The following MTUS1 variants were observed in gnomAD, a reference collection of about 807,000 sequenced individuals.
MTUS1 encodes the protein microtubule-associated tumor suppressor 1.
A neutral mutation model predicts 120.8 loss-of-function variants in MTUS1; 109 were observed. The ratio of observed to expected loss-of-function variants is 0.90; its 90% CI spans 0.77 to 1.06. The LOEUF is 1.06. Among genes scored for constraint, MTUS1 ranks in the 50% least tolerant of loss-of-function variants. MTUS1 has a pLI of 0.00. For synonymous variants in MTUS1, 737 were observed against 550.5 expected (o/e 1.34, Z -4.74); for missense variants, 2,210 against 1,486.3 (o/e 1.49, Z -8.01).
At chr8:17,690,350 G>T (rs774875046) in intron 6 of MTUS1, among the ~76,000 whole-genome samples, 3 of 152,172 alleles carry the variant, frequency 2.0e-5, no homozygotes, top group Non-Finnish European at 2.9e-5. Flanking sequence ...TTTCCTATCA[G>T]CCAGAACGGC....
At position 17,713,259 on chromosome 8, in the gene MTUS1, T is replaced by C. The variant is rs1821687564; in HGVS notation, c.2585-7A>G. On this transcript the variant is annotated splice_region_variant and splice_polypyrimidine_tract_variant and intron_variant, in intron 5 of 14. Transcript: ENST00000693296. ...AAATTTTTTCTCGAAGGACCTAAGATATAAAAGAAACATGTAAAATACATA... is the reference window on the plus strand; with the variant it reads ...AAATTTTTTCTCGAAGGACCTAAGACATAAAAGAAACATGTAAAATACATA... The C allele has an allele frequency of 6.6e-7, 1 of 1,526,100 alleles. No individual in the cohort carries two copies. Among genetic ancestry groups the C allele is most frequent in the Non-Finnish European group, 9.1e-7 (1 of 1,103,064 alleles). 94.5% of individuals were successfully genotyped at this position (1,526,100 alleles called of 1,614,324 possible). A position where few individuals can be genotyped will look rare whatever the true frequency, so the allele number is the denominator to read the frequency against.
In MTUS1 at chr8:17,754,469, C is replaced by A. The variant is rs1456413158; in HGVS notation, c.1339G>T (p.Ala447Ser). 4.2e-5 allele frequency: 67 copies of A among 1,614,078 alleles called. No homozygotes were observed. The highest frequency in any genetic ancestry group is 5.4e-5 in the Non-Finnish European group (64 of 1,180,044). ...KVTFSVSPIEATEKCKKVEKG... is the reference protein window; with the variant it reads ...KVTFSVSPIESTEKCKKVEKG... ...TCCACTTTCTTACATTTCTCCGTCGCTTCAATCGGTGAAACAGAAAAGGTT... is the reference window on the plus strand; with the variant it reads ...TCCACTTTCTTACATTTCTCCGTCGATTCAATCGGTGAAACAGAAAAGGTT... Residue 447 changes from alanine to serine, a missense_variant, in exon 2 of 15, where the codon GCG becomes TCG. Ala to Ser is a moderately conservative substitution (Grantham distance 99). Coordinates refer to ENST00000693296, the MANE Select transcript of MTUS1 (RefSeq NM_001363059.2).
chr8:17,791,041 C>G (rs955139577), intron 1 of MTUS1, among the ~76,000 whole-genome samples: 1 of 152,160 alleles, frequency 6.6e-6, no homozygotes, highest in Non-Finnish European at 1.5e-5. Context: ...ATCCTGGCAA[C>G]AGAAACTTAT....
intron 4 of MTUS1, among the ~76,000 whole-genome samples, chr8:17,717,591 C>A (rs1822588626): frequency 6.6e-6 from 1 of 152,104 alleles, no homozygotes; most frequent in African/African-American, 2.4e-5. Flanking sequence ...AATTTACAGA[C>A]CTAATATGCA....
At chr8:17,777,935 A>G (rs2050583088) in intron 1 of MTUS1, among the ~76,000 whole-genome samples, 2 of 152,224 alleles carry the variant, frequency 1.3e-5, no homozygotes, top group Non-Finnish European at 1.5e-5. Flanking sequence ...GCAGTTTACA[A>G]AACTAGGAAA....
chr8:17,798,099 G>C (rs192418949), intron 1 of MTUS1, among the ~76,000 whole-genome samples: 1 of 152,244 alleles, frequency 6.6e-6, no homozygotes, highest in East Asian at 1.9e-4. Flanking sequence ...ATAGATTACT[G>C]ACAATAAATG....
intron 3 of MTUS1, among the ~76,000 whole-genome samples, chr8:17,735,428 C>A (rs2046859095): frequency 1.3e-5 from 2 of 152,184 alleles, no homozygotes; most frequent in South Asian, 4.1e-4. Flanking sequence ...AGCACTCGTG[C>A]AAGTTTGTGT....
At chr8:17,792,442 G>A (rs539405116) in intron 1 of MTUS1, among the ~76,000 whole-genome samples, 54 of 152,144 alleles carry the variant, frequency 3.5e-4, no homozygotes, top group Non-Finnish European at 7.3e-4. Context: ...AATGGTTTAG[G>A]TTTTCTCATA....
intron 1 of MTUS1, 89 bp from the exon 2 acceptor site, chr8:17,756,050 A>G (rs2048584125): frequency 1.0e-5 from 7 of 703,492 alleles, no homozygotes; most frequent in East Asian, 3.7e-5. Flanking sequence ...ATTAGTTTCA[A>G]TCACTTTATG....
chr8:17,785,577 A>G (rs2051236015), intron 1 of MTUS1, among the ~76,000 whole-genome samples: 1 of 152,244 alleles, frequency 6.6e-6, no homozygotes, highest in African/African-American at 2.4e-5. Flanking sequence ...AAAGGGGTAC[A>G]AAACTGCAGC....
intron 6 of MTUS1, among the ~76,000 whole-genome samples, chr8:17,700,212 A>C (rs899337957): frequency 2.6e-5 from 4 of 152,064 alleles, no homozygotes; most frequent in African/African-American, 9.7e-5. Flanking sequence ...ACATGCCTGT[A>C]ATCTCAGCAC....
At chr8:17,774,172 T>C (rs1452909615) in intron 1 of MTUS1, among the ~76,000 whole-genome samples, 1 of 152,206 alleles carries the variant, frequency 6.6e-6, no homozygotes, top group African/African-American at 2.4e-5. Context: ...TCTCTCTTAA[T>C]AGCATTCTGT....
chr8:17,676,567 A>G, intron 7 of MTUS1: 1 of 559,476 alleles, frequency 1.8e-6, no homozygotes. Context: ...GATTACTTAA[A>G]GCCACAGCCT....
chr8:17,797,286 G>A (rs2052319733), intron 1 of MTUS1, among the ~76,000 whole-genome samples: 1 of 151,578 alleles, frequency 6.6e-6, no homozygotes, highest in Admixed American at 6.6e-5. Flanking sequence ...GGCGGCACAT[G>A]ACTGTAGTCC....
chr8:17,662,419 G>A (rs1229134855), intron 8 of MTUS1, among the ~76,000 whole-genome samples: 1 of 139,498 alleles, frequency 7.2e-6, no homozygotes, highest in African/African-American at 2.7e-5. Flanking sequence ...GCAGTGGCAC[G>A]ATCTCGGCTC....
intron 6 of MTUS1, among the ~76,000 whole-genome samples, chr8:17,699,005 A>C (rs17506026): frequency 0.31 from 46,764 of 152,040 alleles, 8,588 homozygotes; most frequent in Middle Eastern, 0.48. Context: ...CATACTAAAA[A>C]TATACCAGAA....
chr8:17,676,079 C>G, intron 7 of MTUS1: 1 of 571,296 alleles, frequency 1.8e-6, no homozygotes, highest in Non-Finnish European at 3.1e-6. Flanking sequence ...TCAAAGCTCG[C>G]TGAAAAATGC....
At chr8:17,715,583 T>A (rs549879647) in intron 5 of MTUS1, among the ~76,000 whole-genome samples, 184 bp downstream of exon 5, 1 of 152,212 alleles carries the variant, frequency 6.6e-6, no homozygotes, top group Non-Finnish European at 1.5e-5. Flanking sequence ...TTTTTAACTA[T>A]AGAACCTACC....
At chr8:17,689,756 T>C (rs1253627276) in intron 6 of MTUS1, among the ~76,000 whole-genome samples, 1 of 152,174 alleles carries the variant, frequency 6.6e-6, no homozygotes, top group Non-Finnish European at 1.5e-5. Context: ...AATTGATCTT[T>C]GACAAAGTCA....
Sources: gnomAD v4.1 joint callset for allele counts (sites outside exome capture counted in the v4.1 genomes callset) on GRCh38, gnomAD v4.1.1 for gene constraint, MANE v1.5 for transcripts, NCBI Gene and HGNC (gene_info 2026-07-23, HGNC 2026-07-21) for gene names.